ABCA3: variants seen among roughly 807,000 people sequenced by gnomAD.
ABCA3 encodes the protein phospholipid-transporting ATPase ABCA3.
A neutral mutation model predicts 172.8 loss-of-function variants in ABCA3; 88 were observed. The ratio of observed to expected loss-of-function variants is 0.51; its 90% CI spans 0.43 to 0.61. ABCA3 has a LOEUF of 0.61. ABCA3 is among the 20% of genes least tolerant of loss of function. The pLI is 0.00. For synonymous variants in ABCA3, 1,066 were observed against 983.8 expected (o/e 1.08, Z -1.56); for missense variants, 2,164 against 2,301.0 (o/e 0.94, Z 1.22).
chr16:2,313,264 A>G (rs1452678325), intron 10 of ABCA3, among the ~76,000 whole-genome samples: 1 of 151,858 alleles, frequency 6.6e-6, no homozygotes, highest in Non-Finnish European at 1.5e-5. Context: ...TCACTATAAG[A>G]CCATCTGGGG....
chr16:2,334,139 AGATGGCCCGGGAGGGT>A (rs2093747842), intron 1 of ABCA3, among the ~76,000 whole-genome samples: 1 of 152,112 alleles, frequency 6.6e-6, no homozygotes. Context: ...CAAGACAGGG[AGATGGCCCGGGAGGGT>A]GATGGGGGGA....
chr16:2,327,395 C>T (rs1415285942), intron 3 of ABCA3, among the ~76,000 whole-genome samples: 4 of 152,198 alleles, frequency 2.6e-5, no homozygotes, highest in Non-Finnish European at 5.9e-5. Flanking sequence ...CTATTTATTA[C>T]CAAAATATTC....
chr16:2,277,381 C>T lies in ABCA3; in HGVS notation c.4983+216G>A, dbSNP rs1011073502. 2.0e-5 allele frequency among the ~76,000 whole-genome samples: 3 copies of T among 152,214 alleles called. No individual in the cohort carries two copies. In the East Asian group the frequency reaches 5.8e-4, roughly 29 times the overall value. On this transcript the variant is annotated intron_variant, in intron 32 of 32. Transcript: ENST00000301732. This position sits in a 1 kb window ranked among gnomAD's most constrained non-coding sequence, Gnocchi z 5.3. ...TGGGATTATGGTGTGAGCCACCATC[C>T]CTGACCCCTTTCCTGTTTTACACTG... is the stretch of plus-strand genomic sequence containing the variant.
At chr16:2,311,291 GTT>G (rs1402510476) in intron 10 of ABCA3, among the ~76,000 whole-genome samples, 3 of 152,026 alleles carry the variant, frequency 2.0e-5, no homozygotes, top group Admixed American at 2.0e-4. Flanking sequence ...CTTTTATGTT[GTT>G]TGGTTGATGT....
rs541780721 is a variant in ABCA3 at position 2,285,211 on chromosome 16, A to G, written c.3484-213T>C. Among the ~76,000 whole-genome samples, 2 of 152,184 alleles carry G rather than the reference A, an allele frequency of 1.3e-5. No individual in the cohort carries two copies. The highest frequency in any genetic ancestry group is 3.9e-4 in the East Asian group (2 of 5,136). ...TTTCCCCTCGTCCCCTTGCACCCGG[A>G]GCTGTAACCAGGATGGCTGCTCCGG... On this transcript the variant is annotated intron_variant, in intron 23 of 32. Coordinates refer to ENST00000301732, the MANE Select transcript of ABCA3 (RefSeq NM_001089.3). The surrounding 1 kb of genome is among the most constrained non-coding windows in gnomAD (Gnocchi z 4.7).
chr16:2,316,532 G>T (rs1231608665), intron 10 of ABCA3, among the ~76,000 whole-genome samples: 3 of 59,066 alleles, frequency 5.1e-5, no homozygotes, highest in African/African-American at 1.9e-4. Context: ...AAAAAAATTA[G>T]CCAGGCGTGG....
Position 2,277,670 on chromosome 16 carries a change from C to T in ABCA3, c.4910G>A (p.Gly1637Asp). The change falls in exon 32 of 33, where the codon GGC becomes GAC. Residue 1637 changes from glycine to aspartate, a missense_variant and splice_region_variant. By Grantham distance (94) the Gly-to-Asp change is moderately conservative. This residue lies in a region of ABCA3 where 795 missense variants were observed against 881.9 expected (regional missense o/e 0.90). Coordinates refer to ENST00000301732, the MANE Select transcript of ABCA3 (RefSeq NM_001089.3). The surrounding 1 kb of genome is among the most constrained non-coding windows in gnomAD (Gnocchi z 5.3). ...TTGGTGCTCATCTTCCAGGACGCTG[C>T]CTGCACAAAGGAGAGACGGTGTTGC... is the stretch of plus-strand genomic sequence containing the variant. ...FKAFVDLTFP[G>D]SVLEDEHQGM... 6.2e-7 allele frequency: 1 copy of T among 1,613,164 alleles called. No homozygotes were observed. The highest frequency in any genetic ancestry group is 8.5e-7 in the Non-Finnish European group (1 of 1,180,010).
intron 1 of ABCA3, chr16:2,332,844 T>A: frequency 1.8e-6 from 1 of 566,590 alleles, no homozygotes; most frequent in Admixed American, 3.2e-5. Context: ...TCTTGCTTTG[T>A]CACCCAGGTT....
In ABCA3 at chr16:2,278,600, G is replaced by A. The variant is rs2093650357; in HGVS notation, c.4548-142C>T. On this transcript the variant is annotated intron_variant, in intron 29 of 32. Transcript: ENST00000301732. The surrounding 1 kb of genome is among the most constrained non-coding windows in gnomAD (Gnocchi z 4.4). ...CCTAGTGAAGAGGAAGGAGCTGTGTGTGCACCTGGAAAGCCCACCGCATAG... is the reference window on the plus strand; with the variant it reads ...CCTAGTGAAGAGGAAGGAGCTGTGTATGCACCTGGAAAGCCCACCGCATAG... 7 of 1,205,554 alleles carry A rather than the reference G, an allele frequency of 5.8e-6. No homozygotes were observed. In the South Asian group the frequency reaches 6.9e-5, roughly 12 times the overall value. 74.7% of individuals were successfully genotyped at this position (1,205,554 alleles called of 1,614,324 possible). A position where few individuals can be genotyped will look rare whatever the true frequency, so the allele number is the denominator to read the frequency against.
chr16:2,316,490 C>CAAAAA lies in ABCA3; in HGVS notation c.1111+788_1111+792dup, dbSNP rs71148128. Among the ~76,000 whole-genome samples the CAAAAA allele has an allele frequency of 8.0e-4, 23 of 28,870 alleles. 5 individuals carry two copies. The highest frequency in any genetic ancestry group is 2.2e-3 in the South Asian group (2 of 918). 18.9% of individuals were successfully genotyped at this position (28,870 alleles called of 152,430 possible). A position where few individuals can be genotyped will look rare whatever the true frequency, so the allele number is the denominator to read the frequency against. ...CAAAACCCCGTCTCTACTAAAAATGCAAAAAAAAAAAAAAAAAAAAAAAAA... is the reference window on the plus strand; with the variant it reads ...CAAAACCCCGTCTCTACTAAAAATGCAAAAAAAAAAAAAAAAAAAAAAAAAAAAAA... On this transcript the variant is annotated intron_variant, in intron 10 of 32. Coordinates refer to ENST00000301732, the MANE Select transcript of ABCA3 (RefSeq NM_001089.3).
rs1028244219 is a variant in ABCA3 at position 2,298,272 on chromosome 16, C to T, written c.1896+114G>A. The T allele has an allele frequency of 2.0e-6, 3 of 1,521,408 alleles. No homozygotes were observed. In the African/African-American group the frequency reaches 4.2e-5, roughly 21 times the overall value. The allele number at this position is 1,521,408 out of a possible 1,614,324, so 94.2% of individuals were successfully genotyped here. On this transcript the variant is annotated intron_variant, in intron 15 of 32. Coordinates refer to ENST00000301732, the MANE Select transcript of ABCA3 (RefSeq NM_001089.3). ...TCCTTGACGTAGCTGGACTCAGAACCCTGGCTCCTGCCCTCCTGGCTCCCT... is the reference window on the plus strand; with the variant it reads ...TCCTTGACGTAGCTGGACTCAGAACTCTGGCTCCTGCCCTCCTGGCTCCCT...
rs757703188 is a variant in ABCA3, at chr16:2,285,563, C to G, written c.3362G>C (p.Ser1121Thr). 6.3e-7 allele frequency: 1 copy of G among 1,581,482 alleles called. No homozygotes were observed. The highest frequency in any genetic ancestry group is 1.2e-5 in the South Asian group (1 of 86,760). ...ATGCTTGGCCTGCACGGCCCTCTCG[C>G]TGACCGCCAGGATGGAGAACGTGCT... ...LASTFSILAV[S>T]ERAVQAKHVQ... Residue 1121 changes from serine to threonine, a missense_variant, in exon 23 of 33, where the codon AGC (serine) becomes ACC (threonine). Physicochemically the swap from Ser to Thr is moderately conservative, Grantham distance 58 (BLOSUM62 1). Coordinates refer to ENST00000301732, the MANE Select transcript of ABCA3 (RefSeq NM_001089.3). The surrounding 1 kb of genome is among the most constrained non-coding windows in gnomAD (Gnocchi z 4.7).
rs2093652628 is a variant in ABCA3, at chr16:2,279,989, G to A, written c.4360-859C>T. Reference sequence around the variant, plus strand: ...TGGTCTCGAACTCTAGACCTCAAGTGATCTGCCTGCCTTGGCCTTCCAAAG... The same window carrying A: ...TGGTCTCGAACTCTAGACCTCAAGTAATCTGCCTGCCTTGGCCTTCCAAAG... On this transcript the variant is annotated intron_variant, in intron 28 of 32. Coordinates refer to ENST00000301732, the MANE Select transcript of ABCA3 (RefSeq NM_001089.3). This position sits in a 1 kb window ranked among gnomAD's most constrained non-coding sequence, Gnocchi z 4.4. Among the ~76,000 whole-genome samples the A allele has an allele frequency of 6.6e-6, 1 of 152,236 alleles. No homozygotes were observed. Among genetic ancestry groups the A allele is most frequent in the South Asian group, 2.1e-4 (1 of 4,836 alleles).
In ABCA3 at chr16:2,281,363, C is replaced by A. The variant is rs538969220; in HGVS notation, c.4164+18G>T. 6.2e-7 allele frequency: 1 copy of A among 1,613,538 alleles called. No individual in the cohort carries two copies. Among genetic ancestry groups the A allele is most frequent in the Admixed American group, 1.7e-5 (1 of 60,016 alleles). On this transcript the variant is annotated intron_variant, in intron 27 of 32. Coordinates refer to ENST00000301732, the MANE Select transcript of ABCA3 (RefSeq NM_001089.3). This position sits in a 1 kb window ranked among gnomAD's most constrained non-coding sequence, Gnocchi z 4.7. The stretch of plus-strand genomic sequence containing the variant: ...AGTCAGCTGGCAGGAAGGACTCCAC[C>A]CCAAATTGCAAGGGTACCTTGGAGA...
rs533847659 is a variant in ABCA3, at chr16:2,336,910, CTTT to C, written c.-539+3660_-539+3662del. On this transcript the variant is annotated intron_variant, in intron 1 of 32. Transcript: ENST00000301732. ...AATCATGTTTATTTCACCTCTCATC[CTTT>C]TTTTTTTTTCTCTGTTAGAGACAGG... 6.2e-5 allele frequency among the ~76,000 whole-genome samples: 9 copies of C among 144,854 alleles called. No homozygotes were observed. In the East Asian group the frequency reaches 1.8e-3, roughly 29 times the overall value.
At chr16:2,282,273 CTG>C (rs1003229469) in intron 26 of ABCA3, among the ~76,000 whole-genome samples, 5 of 152,106 alleles carry the variant, frequency 3.3e-5, no homozygotes, top group African/African-American at 1.2e-4. Flanking sequence ...ATTTTTAAAA[CTG>C]TTTAGAAGAG....
intron 3 of ABCA3, among the ~76,000 whole-genome samples, chr16:2,327,424 T>C (rs2093736033): frequency 1.3e-5 from 2 of 152,228 alleles, no homozygotes; most frequent in African/African-American, 2.4e-5. Flanking sequence ...GGAATTCCAC[T>C]TACTGACTGA....
intron 20 of ABCA3, chr16:2,289,097 G>C: frequency 3.1e-6 from 1 of 326,810 alleles, no homozygotes; most frequent in Non-Finnish European, 5.8e-6. Context: ...CTTTGGCCCA[G>C]GCCTCGGTTT....
intron 18 of ABCA3, 37 bp downstream of exon 18, chr16:2,295,553 G>C (rs1201948262): frequency 6.2e-7 from 1 of 1,606,828 alleles, no homozygotes; most frequent in South Asian, 1.1e-5. Context: ...TCCCATCTTG[G>C]ATGTATACCT....
Sources: gnomAD v4.1 joint callset for allele counts (sites outside exome capture counted in the v4.1 genomes callset) on GRCh38, gnomAD v4.1.1 for gene constraint, gnomAD v4.1.1 regional missense constraint, Gnocchi (gnomAD v3.1) non-coding constraint, MANE v1.5 for transcripts, NCBI Gene and HGNC (gene_info 2026-07-23, HGNC 2026-07-21) for gene names.